CNTNAP1: variants seen among roughly 807,000 people sequenced by gnomAD.
The protein encoded by CNTNAP1 is contactin-associated protein 1.
CNTNAP1 carries 80 observed loss-of-function variants against 161.5 expected under a neutral mutation model. The ratio of observed to expected loss-of-function variants is 0.50; its 90% CI spans 0.41 to 0.60. CNTNAP1 has a LOEUF of 0.60. Ranked by LOEUF, CNTNAP1 falls within the 20% of genes least tolerant of loss-of-function variation. The probability of loss-of-function intolerance (pLI) is 0.00; values close to 1 mark genes in which losing one functional copy is unlikely to be tolerated. For missense variants in CNTNAP1, 1,464 were observed against 1,854.8 expected (o/e 0.79, Z 3.87); for synonymous variants, 695 against 733.1 (o/e 0.95, Z 0.84).
intron 18 of CNTNAP1, among the ~76,000 whole-genome samples, chr17:42,694,177 T>C (rs2053126169): frequency 7.2e-6 from 1 of 138,834 alleles, no homozygotes; most frequent in African/African-American, 2.9e-5. Flanking sequence ...TTCTTTTTTC[T>C]TTTTTTTTTT....
chr17:42,692,716 T>C lies in CNTNAP1; in HGVS notation c.2748T>C (p.Tyr916=). ...GGATGGAGTATGACCAGCCCCTCTATGTGGGTAAGCAGCAACCCAGAGGCA... is the reference window on the plus strand; with the variant it reads ...GGATGGAGTATGACCAGCCCCTCTACGTGGGTAAGCAGCAACCCAGAGGCA... The part of the protein sequence containing the change: ...YIWMEYDQPL[Y]VGSAELKRRP... The change falls in exon 17 of 24, where the codon TAT becomes TAC. Residue 916 remains tyrosine, a synonymous_variant. Transcript: ENST00000264638. 1 of 1,606,084 alleles carries C rather than the reference T, an allele frequency of 6.2e-7. No individual in the cohort carries two copies. The highest frequency in any genetic ancestry group is 8.5e-7 in the Non-Finnish European group (1 of 1,174,124).
Position 42,682,893 on chromosome 17 carries a change from T to G in CNTNAP1, c.64T>G (p.Tyr22Asp). The change falls in exon 1 of 24, where the codon TAC becomes GAC. Residue 22 changes from tyrosine (Y) to aspartate (D), a missense_variant. Around this residue, in one of 3 missense-constraint regions of CNTNAP1, gnomAD observed 77 missense variants for 73.6 expected, o/e 1.05. Transcript: ENST00000264638. ...AAVSGAEGWG[Y>D]YGCDEELVGP... ...GGTCTCAGGAGCCGAGGGCTGGGGC[T>G]ACTGTGAGTGTTGGGCTTGGAGGCA... 1.2e-6 allele frequency: 2 copies of G among 1,600,436 alleles called. No individual in the cohort carries two copies. Among genetic ancestry groups the G allele is most frequent in the Non-Finnish European group, 1.7e-6 (2 of 1,174,590 alleles).
Position 42,688,758 on chromosome 17 carries a change from C to T in CNTNAP1, c.1457-118C>T. On this transcript the variant is annotated intron_variant, in intron 9 of 23. Transcript: ENST00000264638. ...TCAGGGAGTGGAAGGTCATTGCCAT[C>T]TACACTTTGGTTGTAGTCCCCTTTC... The T allele has an allele frequency of 6.0e-6, 9 of 1,507,364 alleles. No homozygotes were observed. The South Asian group carries it at 7.1e-5, about 12-fold the overall frequency. The allele number at this position is 1,507,364 out of a possible 1,614,324, so 93.4% of individuals were successfully genotyped here. A position where few individuals can be genotyped will look rare whatever the true frequency, so the allele number is the denominator to read the frequency against.
chr17:42,687,151 CCT>C lies in CNTNAP1; in HGVS notation c.1044+108_1044+109del, dbSNP rs2053028814. ...GAACATCAGATAAAAGCGGAGAATC[CCT>C]CTGTCCCCAGCCAGATGCTCAAGTT... On this transcript the variant is annotated intron_variant, in intron 7 of 23. Transcript: ENST00000264638. This position sits in a 1 kb window ranked among gnomAD's most constrained non-coding sequence, Gnocchi z 4.7. 1 of 1,468,974 alleles carries C rather than the reference CCT, an allele frequency of 6.8e-7. No homozygotes were observed. Among genetic ancestry groups the C allele is most frequent in the Non-Finnish European group, 9.2e-7 (1 of 1,086,020 alleles). 91.0% of individuals were successfully genotyped at this position (1,468,974 alleles called of 1,614,324 possible).
chr17:42,695,993 G>A, intron 19 of CNTNAP1, 32 bp from the exon 20 acceptor site: 3 of 1,611,448 alleles, frequency 1.9e-6, no homozygotes, highest in Non-Finnish European at 2.5e-6. Flanking sequence ...CATGGGGCCT[G>A]AGACCCCAAA....
intron 9 of CNTNAP1, 62 bp from the exon 10 acceptor site, chr17:42,688,814 T>C (rs2053050183): frequency 1.9e-6 from 3 of 1,587,958 alleles, no homozygotes; most frequent in Non-Finnish European, 2.6e-6. Context: ...CCTCAGCATG[T>C]CCCTGGGGGA....
At chr17:42,697,438 G>A in intron 21 of CNTNAP1, 71 bp downstream of exon 21, 1 of 1,606,678 alleles carries the variant, frequency 6.2e-7, no homozygotes, top group Non-Finnish European at 8.5e-7. Flanking sequence ...CAAGGAAAGT[G>A]AAGGCCCTGG....
intron 1 of CNTNAP1, chr17:42,683,434 G>C: frequency 9.1e-7 from 1 of 1,094,986 alleles, no homozygotes; most frequent in Non-Finnish European, 1.1e-6. Context: ...GGATGGTGCA[G>C]GTTTTGGGGG....
intron 3 of CNTNAP1, 59 bp from the exon 4 acceptor site, chr17:42,684,932 A>T (rs1358027366): frequency 6.3e-7 from 1 of 1,579,386 alleles, no homozygotes; most frequent in African/African-American, 1.4e-5. Flanking sequence ...CTCAAAAAAT[A>T]AAATAAAAAA....
At chr17:42,688,670 TC>T in intron 9 of CNTNAP1, 59 bp downstream of exon 9, 1 of 1,608,844 alleles carries the variant, frequency 6.2e-7, no homozygotes, top group Non-Finnish European at 8.5e-7. Context: ...TCCATCTAAG[TC>T]CACCCAGATG....
intron 23 of CNTNAP1, 95 bp downstream of exon 23, chr17:42,698,045 C>G: frequency 7.2e-7 from 1 of 1,386,422 alleles, no homozygotes; most frequent in Non-Finnish European, 1.0e-6. Context: ...TGCAGGATGG[C>G]AAAGGCACTA....
Position 42,684,067 on chromosome 17 carries a change from T to A in CNTNAP1, c.201T>A (p.Asp67Glu). ...GCGGGTGGTCACCACGGATTGGGGA[T>A]CCGAATCCCTGGCTCCAGATAGACT... ...GISGWSPRIGDPNPWLQIDLM... is the reference protein window; with the variant it reads ...GISGWSPRIGEPNPWLQIDLM... Residue 67 changes from aspartate to glutamate, a missense_variant, in exon 3 of 24, where the codon GAT becomes GAA. By Grantham distance (45) the Asp-to-Glu change is conservative. Transcript: ENST00000264638. 1 of 1,614,142 alleles carries A rather than the reference T, an allele frequency of 6.2e-7. No individual in the cohort carries two copies.
rs1260923021 is a variant in CNTNAP1, at chr17:42,698,816, C to T, written c.4061C>T (p.Ala1354Val). The T allele has an allele frequency of 6.8e-6, 11 of 1,607,198 alleles. No individual in the cohort carries two copies. The highest frequency in any genetic ancestry group is 2.7e-5 in the African/African-American group (2 of 74,736). The change falls in exon 24 of 24, where the codon GCC becomes GTC. Residue 1354 changes from alanine (A) to valine (V), a missense_variant. Transcript: ENST00000264638. ...TPTAAPNQAP[A>V]SAPAPAPTPA... Reference sequence around the variant, plus strand: ...ACAGCAGCTCCCAACCAAGCTCCAGCCTCAGCCCCAGCCCCAGCCCCAACT... The same window carrying T: ...ACAGCAGCTCCCAACCAAGCTCCAGTCTCAGCCCCAGCCCCAGCCCCAACT...
In CNTNAP1 at chr17:42,687,897, G is replaced by C. The variant is rs1384415458; in HGVS notation, c.1222G>C (p.Gly408Arg). ...TTTCTCCCGTCTGGGGGACGGGCTG[G>C]GCCACGTGGAGCTGACGCTCAGCGA... Reference protein sequence around the residue: ...LLFSRLGDGLGHVELTLSEGQ... With the variant: ...LLFSRLGDGLRHVELTLSEGQ... The change falls in exon 8 of 24, where the codon GGC becomes CGC. Residue 408 changes from glycine (G) to arginine (R), a missense_variant. By Grantham distance (125) the Gly-to-Arg change is moderately radical. Coordinates refer to ENST00000264638, the MANE Select transcript of CNTNAP1 (RefSeq NM_003632.3). The surrounding 1 kb of genome is among the most constrained non-coding windows in gnomAD (Gnocchi z 4.7). The C allele has an allele frequency of 6.2e-7, 1 of 1,614,178 alleles. No individual in the cohort carries two copies. The highest frequency in any genetic ancestry group is 2.2e-5 in the East Asian group (1 of 44,884).
At chr17:42,688,055 C>T in intron 8 of CNTNAP1, 74 bp downstream of exon 8, 1 of 1,539,084 alleles carries the variant, frequency 6.5e-7, no homozygotes, top group Non-Finnish European at 8.7e-7. Flanking sequence ...TAGGCCTGGA[C>T]TGAGGCCTTT....
In CNTNAP1 at chr17:42,683,927, G is replaced by T. The variant is rs753927741; in HGVS notation, c.169+5G>T. The T allele has an allele frequency of 3.1e-6, 5 of 1,613,902 alleles. No homozygotes were observed. In the South Asian group the frequency reaches 5.5e-5, roughly 18 times the overall value. ...CGAGATTCGCCAGGCTGCACGGTGA[G>T]CTCCGCGGAACATCAGCTGCCAACT... On this transcript the variant is annotated splice_donor_5th_base_variant and intron_variant, in intron 2 of 23. Transcript: ENST00000264638.
At chr17:42,694,599 C>T (rs1190947474) in intron 18 of CNTNAP1, among the ~76,000 whole-genome samples, 1 of 150,084 alleles carries the variant, frequency 6.7e-6, no homozygotes, top group Admixed American at 6.6e-5. Context: ...CACTGCACTC[C>T]AGCCTGGGGG....
At chr17:42,684,891 C>T in intron 3 of CNTNAP1, 100 bp from the exon 4 acceptor site, 1 of 1,411,446 alleles carries the variant, frequency 7.1e-7, no homozygotes, top group Non-Finnish European at 9.5e-7. Context: ...TACCACCGCA[C>T]TCCAGCCTGG....
In CNTNAP1 at chr17:42,693,306, A is replaced by C; in HGVS notation, c.2762A>C (p.Glu921Ala). 1 of 1,614,044 alleles carries C rather than the reference A, an allele frequency of 6.2e-7. No individual in the cohort carries two copies. Among genetic ancestry groups the C allele is most frequent in the African/African-American group, 1.3e-5 (1 of 75,000 alleles). ...YDQPLYVGSA[E>A]LKRRPFVGCL... ...TGCCTACCCTTCCCAGGATCTGCAG[A>C]GCTTAAGAGACGCCCCTTTGTGGGT... The change falls in exon 18 of 24, where the codon GAG becomes GCG. Residue 921 changes from glutamate to alanine, a missense_variant. Glu to Ala is a moderately radical substitution (Grantham distance 107, BLOSUM62 -1). Around this residue, in one of 3 missense-constraint regions of CNTNAP1, gnomAD observed 1,383 missense variants for 1,765.0 expected, o/e 0.78. Transcript: ENST00000264638.
Sources: allele counts gnomAD v4.1 joint callset (sites outside exome capture counted in the v4.1 genomes callset), GRCh38; gene constraint gnomAD v4.1.1; regional missense constraint gnomAD v4.1.1; non-coding constraint Gnocchi (gnomAD v3.1); transcripts MANE v1.5; gene names NCBI Gene and HGNC (gene_info 2026-07-23, HGNC 2026-07-21).